The following MELTF variants were observed in gnomAD, a reference collection of about 807,000 sequenced individuals.
MELTF encodes the protein antigen p97 (melanoma associated) identified by monoclonal antibodies 133.2 and 96.5.
A neutral mutation model predicts 83.7 loss-of-function variants in MELTF; 67 were observed. The ratio of observed to expected loss-of-function variants is 0.80; its 90% CI spans 0.66 to 0.98. The LOEUF is 0.98. Ranked by LOEUF, MELTF falls within the 50% of genes least tolerant of loss-of-function variation. The pLI, the probability that MELTF is intolerant of heterozygous loss-of-function variation, is 0.00. For missense variants in MELTF, 1,002 were observed against 1,035.6 expected (o/e 0.97, Z 0.44); for synonymous variants, 462 against 447.6 (o/e 1.03, Z -0.41).
intron 1 of MELTF, chr3:197,028,245 A>G (rs893773646): frequency 2.3e-5 from 6 of 266,112 alleles, no homozygotes; most frequent in Non-Finnish European, 3.6e-5. Flanking sequence ...CAGGCCCTGG[A>G]AGTGGAAGCT....
chr3:197,017,826 G>A (rs1449575771), intron 6 of MELTF, among the ~76,000 whole-genome samples: 3 of 152,140 alleles, frequency 2.0e-5, no homozygotes, highest in Non-Finnish European at 2.9e-5. Context: ...GCAGTGAGCC[G>A]AGATCACGCC....
chr3:197,017,770 G>T (rs191780155), intron 6 of MELTF, among the ~76,000 whole-genome samples: 35,905 of 151,836 alleles, frequency 0.24, 4,320 homozygotes, highest in Middle Eastern at 0.32. Context: ...CCAGCTACTG[G>T]GGAGGCTGAG....
chr3:197,017,718 A>G (rs1424008565), intron 6 of MELTF, among the ~76,000 whole-genome samples: 2 of 152,170 alleles, frequency 1.3e-5, no homozygotes, highest in Non-Finnish European at 2.9e-5. Context: ...TCTACTAAAA[A>G]TACAAAAAAT....
intron 9 of MELTF, among the ~76,000 whole-genome samples, chr3:197,012,871 A>G (rs529771538): frequency 7.0e-4 from 107 of 152,372 alleles, no homozygotes; most frequent in African/African-American, 2.3e-3. Flanking sequence ...AAGGATTAGA[A>G]TAGAATACAT....
At chr3:197,016,440 C>T (rs1282076209) in intron 7 of MELTF, 71 bp from the exon 8 acceptor site, 7 of 1,357,922 alleles carry the variant, frequency 5.2e-6, no homozygotes, top group African/African-American at 4.5e-5. Context: ...CCCACTTTGG[C>T]CCCTACCTCC....
rs763471745 is a variant in MELTF at position 197,027,889 on chromosome 3, C to CG, written c.70dup (p.Arg24ProfsTer50). On this transcript the variant is annotated frameshift_variant, in exon 2 of 16. Transcript: ENST00000296350. LOFTEE classifies it high-confidence loss of function. ...CTCTGGGTCCGAGGTGGCGCACCACCGCACCTCCATGCCACCGAGCACTGC... is the reference window on the plus strand; with the variant it reads ...CTCTGGGTCCGAGGTGGCGCACCACCGGCACCTCCATGCCACCGAGCACTGC... 6.2e-7 allele frequency: 1 copy of CG among 1,600,262 alleles called. No homozygotes were observed. The highest frequency in any genetic ancestry group is 8.5e-7 in the Non-Finnish European group (1 of 1,174,916).
chr3:197,019,858 A>C, intron 6 of MELTF: 1 of 1,511,930 alleles, frequency 6.6e-7, no homozygotes, highest in Non-Finnish European at 8.9e-7. Context: ...TTAAAAAAAA[A>C]ACCCAATCAT....
rs972109222 is a variant in MELTF at position 197,017,836 on chromosome 3, C to G, written c.713-546G>C. ...AGCTTGCAGTGAGCCGAGATCACGC[C>G]ACTGCACTCCAGCCTGGGCGACAGA... On this transcript the variant is annotated intron_variant, in intron 6 of 15. Coordinates refer to ENST00000296350, the MANE Select transcript of MELTF (RefSeq NM_005929.6). Among the ~76,000 whole-genome samples, 10 of 152,220 alleles carry G rather than the reference C, an allele frequency of 6.6e-5. No homozygotes were observed. The East Asian group carries it at 1.8e-3, about 27-fold the overall frequency.
At position 197,024,599 on chromosome 3, in the gene MELTF, C is replaced by T. The variant is rs1382294124; in HGVS notation, c.305-114G>A. ...GGTGTGTGCACGGAGCACGGCTGTA[C>T]ACACGGATGTGTGCATAGCGTTCTC... On this transcript the variant is annotated intron_variant, in intron 3 of 15. Transcript: ENST00000296350. The surrounding 1 kb of genome is among the most constrained non-coding windows in gnomAD (Gnocchi z 5.3). 5 of 900,458 alleles carry T rather than the reference C, an allele frequency of 5.6e-6. No individual in the cohort carries two copies. The highest frequency in any genetic ancestry group is 8.2e-6 in the Non-Finnish European group (5 of 607,180). 55.8% of individuals were successfully genotyped at this position (900,458 alleles called of 1,614,324 possible).
chr3:197,009,890 A>G, intron 10 of MELTF, 78 bp from the exon 11 acceptor site: 1 of 1,269,568 alleles, frequency 7.9e-7, no homozygotes, highest in Non-Finnish European at 1.1e-6. Context: ...CTTCCTTCAA[A>G]CCCACTCCTT....
At position 197,021,476 on chromosome 3, in the gene MELTF, G is replaced by A. The variant is rs202235852; in HGVS notation, c.645-5C>T. Reference sequence around the variant, plus strand: ...CCTGCCCCTTCCGCCAGGCACCTGCGGAGGAGAAGCTGTGGGTCTGGATGG... The same window carrying A: ...CCTGCCCCTTCCGCCAGGCACCTGCAGAGGAGAAGCTGTGGGTCTGGATGG... On this transcript the variant is annotated splice_region_variant and splice_polypyrimidine_tract_variant and intron_variant, in intron 5 of 15. Transcript: ENST00000296350. 1,611 of 1,613,346 alleles carry A rather than the reference G, an allele frequency of 1.0e-3. 21 individuals carry two copies. The South Asian group carries it at 0.012, about 12-fold the overall frequency.
intron 5 of MELTF, 141 bp from the exon 6 acceptor site, chr3:197,021,612 C>G: frequency 1.4e-6 from 1 of 733,662 alleles, no homozygotes; most frequent in Admixed American, 2.3e-5. Context: ...TTCCAGCTCC[C>G]TGGCTGGTCG....
rs1025556722 is a variant in MELTF, at chr3:197,002,718, G to A, written c.*654C>T. 3 of 152,416 alleles carry A rather than the reference G, an allele frequency of 2.0e-5. No homozygotes were observed. The highest frequency in any genetic ancestry group is 6.5e-5 in the Admixed American group (1 of 15,290). The allele number at this position is 152,416 out of a possible 1,614,324, so 9.4% of individuals were successfully genotyped here. A position where few individuals can be genotyped will look rare whatever the true frequency, so the allele number is the denominator to read the frequency against. ...GGGGGCCCGTGGACGCGGCTGGCCCGGGATGGAGCTGGCGCGGCCACAGTG... is the reference window on the plus strand; with the variant it reads ...GGGGGCCCGTGGACGCGGCTGGCCCAGGATGGAGCTGGCGCGGCCACAGTG... On this transcript the variant is annotated 3_prime_UTR_variant, in exon 16 of 16. Transcript: ENST00000296350.
chr3:197,013,240 C>T (rs1230160975), intron 9 of MELTF, among the ~76,000 whole-genome samples: 1 of 152,160 alleles, frequency 6.6e-6, no homozygotes, highest in Admixed American at 6.5e-5. Context: ...TGATTTTTGA[C>T]AAAGGTTTCA....
At position 197,024,560 on chromosome 3, in the gene MELTF, C is replaced by T. The variant is rs539425627; in HGVS notation, c.305-75G>A. On this transcript the variant is annotated intron_variant, in intron 3 of 15. Coordinates refer to ENST00000296350, the MANE Select transcript of MELTF (RefSeq NM_005929.6). This position sits in a 1 kb window ranked among gnomAD's most constrained non-coding sequence, Gnocchi z 5.3. ...AGGCTGCACCAGCACCCTGCCTGGG[C>T]GGGCTGTGGGAGAGGTGTGTGCACG... The T allele has an allele frequency of 4.0e-5, 56 of 1,386,992 alleles. No individual in the cohort carries two copies. The highest frequency in any genetic ancestry group is 2.6e-4 in the Middle Eastern group (1 of 3,794). 85.9% of individuals were successfully genotyped at this position (1,386,992 alleles called of 1,614,324 possible).
At position 197,003,827 on chromosome 3, in the gene MELTF, C is replaced by T. The variant is rs1457215366; in HGVS notation, c.2137+74G>A. 6.6e-7 allele frequency: 1 copy of T among 1,506,318 alleles called. No individual in the cohort carries two copies. Among genetic ancestry groups the T allele is most frequent in the East Asian group, 2.3e-5 (1 of 43,986 alleles). 93.3% of individuals were successfully genotyped at this position (1,506,318 alleles called of 1,614,324 possible). A position where few individuals can be genotyped will look rare whatever the true frequency, so the allele number is the denominator to read the frequency against. ...CCGCCTCCCCGGACCCGCAGCGCCC[C>T]CCGCTCCCTCAGGGTTCTGGGGTGA... On this transcript the variant is annotated intron_variant, in intron 15 of 15. Coordinates refer to ENST00000296350, the MANE Select transcript of MELTF (RefSeq NM_005929.6). The surrounding 1 kb of genome is among the most constrained non-coding windows in gnomAD (Gnocchi z 6.2).
At position 197,003,184 on chromosome 3, in the gene MELTF, C is replaced by T. The variant is rs901085505; in HGVS notation, c.*188G>A. 196 of 554,274 alleles carry T rather than the reference C, an allele frequency of 3.5e-4. 1 individual carries two copies. The highest frequency in any genetic ancestry group is 4.2e-4 in the Non-Finnish European group (182 of 432,868). 34.3% of individuals were successfully genotyped at this position (554,274 alleles called of 1,614,324 possible). A position where few individuals can be genotyped will look rare whatever the true frequency, so the allele number is the denominator to read the frequency against. On this transcript the variant is annotated 3_prime_UTR_variant, in exon 16 of 16. Transcript: ENST00000296350. The surrounding 1 kb of genome is among the most constrained non-coding windows in gnomAD (Gnocchi z 6.2). ...GCGGCGGTTGGCGGGAAGGGCCGCG[C>T]GGGCCCGGGGGCGGCGCCTCAGGTA... is the stretch of plus-strand genomic sequence containing the variant.
rs1044537523 is a variant in MELTF at position 197,003,923 on chromosome 3, C to T, written c.2115G>A (p.Ser705=). Reference sequence around the variant, plus strand: ...TACCTGCGCCCGAGCACTGCTGAGACGACATCCCTTCCAGCGCCGCCACGT... The same window carrying T: ...TACCTGCGCCCGAGCACTGCTGAGATGACATCCCTTCCAGCGCCGCCACGT... ...LDYVAALEGM[S]SQQCSGAAAP... The change falls in exon 15 of 16, where the codon TCG becomes TCA. Residue 705 remains serine, a synonymous_variant. Coordinates refer to ENST00000296350, the MANE Select transcript of MELTF (RefSeq NM_005929.6). This position sits in a 1 kb window ranked among gnomAD's most constrained non-coding sequence, Gnocchi z 6.2. 44 of 1,613,886 alleles carry T rather than the reference C, an allele frequency of 2.7e-5. No individual in the cohort carries two copies. The highest frequency in any genetic ancestry group is 3.6e-5 in the Non-Finnish European group (43 of 1,179,988).
At position 197,003,295 on chromosome 3, in the gene MELTF, C is replaced by G; in HGVS notation, c.*77G>C. Reference sequence around the variant, plus strand: ...CGCCGGGCCCGGCCTTCGCGAGCTTCCTTCTGGATTCCAGCGCGAAGCCGC... The same window carrying G: ...CGCCGGGCCCGGCCTTCGCGAGCTTGCTTCTGGATTCCAGCGCGAAGCCGC... On this transcript the variant is annotated 3_prime_UTR_variant, in exon 16 of 16. Transcript: ENST00000296350. The surrounding 1 kb of genome is among the most constrained non-coding windows in gnomAD (Gnocchi z 6.2). 2 of 1,030,634 alleles carry G rather than the reference C, an allele frequency of 1.9e-6. No homozygotes were observed. The highest frequency in any genetic ancestry group is 2.3e-6 in the Non-Finnish European group (2 of 862,058). 63.8% of individuals were successfully genotyped at this position (1,030,634 alleles called of 1,614,324 possible).
Sources: allele counts gnomAD v4.1 joint callset (sites outside exome capture counted in the v4.1 genomes callset), GRCh38; gene constraint gnomAD v4.1.1; non-coding constraint Gnocchi (gnomAD v3.1); transcripts MANE v1.5; gene names NCBI Gene and HGNC (gene_info 2026-07-23, HGNC 2026-07-21).